Variants in SLC35D4 observed in about 807,000 individuals in gnomAD.
SLC35D4 encodes UDP-N-acetylglucosamine transporter SLC35D4.
At chr18:23,373,951 A>G in the SLC35D4 span, among the ~76,000 whole-genome samples, 1 of 152,334 alleles carries the variant, frequency 6.6e-6, no homozygotes, top group Admixed American at 6.5e-5. Context: ...TGCTCTACTC[A>G]TAAGCAGACA....
chr18:23,266,362 T>C, the SLC35D4 span, among the ~76,000 whole-genome samples: 1 of 130,518 alleles, frequency 7.7e-6, no homozygotes, highest in African/African-American at 3.1e-5. Context: ...ACTCAATAGA[T>C]GAAAACAATT....
chr18:23,349,118 A>G, the SLC35D4 span, among the ~76,000 whole-genome samples: 1 of 152,168 alleles, frequency 6.6e-6, no homozygotes, highest in African/African-American at 2.4e-5. Context: ...GTCTTTCAAC[A>G]GTTTGATTAT....
chr18:23,290,348 G>A, the SLC35D4 span, among the ~76,000 whole-genome samples: 3 of 152,248 alleles, frequency 2.0e-5, no homozygotes, highest in South Asian at 2.1e-4. Flanking sequence ...AACCAGCTGC[G>A]GGGAAGGGGG....
At chr18:23,320,477 G>A in the SLC35D4 span, among the ~76,000 whole-genome samples, 1 of 152,040 alleles carries the variant, frequency 6.6e-6, no homozygotes, top group Non-Finnish European at 1.5e-5. Flanking sequence ...CTGTAGTTCT[G>A]TTCCTATTAT....
the SLC35D4 span, among the ~76,000 whole-genome samples, chr18:23,322,258 G>C: frequency 6.6e-6 from 1 of 152,208 alleles, no homozygotes; most frequent in Non-Finnish European, 1.5e-5. Flanking sequence ...AAAGGAAGCC[G>C]TGCCTTGCAT....
the SLC35D4 span, among the ~76,000 whole-genome samples, chr18:23,281,936 A>G: frequency 3.9e-5 from 6 of 152,226 alleles, no homozygotes; most frequent in Non-Finnish European, 8.8e-5. Flanking sequence ...TGAGGAAATA[A>G]ATGAACGGCT....
the SLC35D4 span, chr18:23,377,561 A>G: frequency 7.7e-6 from 10 of 1,303,050 alleles, no homozygotes; most frequent in Non-Finnish European, 1.1e-5. Flanking sequence ...CTCTTAGAGT[A>G]TGAATCTTGA....
chr18:23,351,093 A>G, the SLC35D4 span, among the ~76,000 whole-genome samples: 1 of 152,200 alleles, frequency 6.6e-6, no homozygotes, highest in African/African-American at 2.4e-5. Flanking sequence ...TAGAATTGGA[A>G]TTATTAATGC....
the SLC35D4 span, among the ~76,000 whole-genome samples, chr18:23,348,148 T>G: frequency 3.3e-5 from 5 of 152,246 alleles, no homozygotes; most frequent in African/African-American, 1.2e-4. Context: ...TTTTCTAGAT[T>G]TTTTTCTATT....
At chr18:23,261,102 G>A in the SLC35D4 span, among the ~76,000 whole-genome samples, 8 of 152,134 alleles carry the variant, frequency 5.3e-5, no homozygotes, top group East Asian at 1.9e-4. Context: ...GAAATGCCTC[G>A]CGAGTACTGT....
the SLC35D4 span, chr18:23,253,672 G>C: frequency 5.6e-6 from 8 of 1,431,604 alleles, no homozygotes; most frequent in Admixed American, 7.6e-5. Context: ...GAGTTTTTCT[G>C]TCCACTGAAA....
the SLC35D4 span, among the ~76,000 whole-genome samples, chr18:23,364,039 T>C: frequency 1.7e-4 from 26 of 152,326 alleles, no homozygotes; most frequent in African/African-American, 5.1e-4. Context: ...AGATATGTCA[T>C]ATACAATCCA....
At chr18:23,303,905 G>GA in the SLC35D4 span, among the ~76,000 whole-genome samples, 377 of 109,294 alleles carry the variant, frequency 3.4e-3, no homozygotes, top group South Asian at 9.3e-3. Context: ...CTATCTCCAG[G>GA]AAAAAAAAAA....
the SLC35D4 span, chr18:23,384,977 C>A: frequency 6.2e-7 from 1 of 1,611,798 alleles, no homozygotes; most frequent in Admixed American, 1.7e-5. Context: ...TAGCATTTTG[C>A]ATGATCGTTT....
At chr18:23,322,850 A>G in the SLC35D4 span, among the ~76,000 whole-genome samples, 1 of 152,236 alleles carries the variant, frequency 6.6e-6, no homozygotes, top group South Asian at 2.1e-4. Flanking sequence ...TTTTCCTTCA[A>G]ACTCAAATCA....
the SLC35D4 span, among the ~76,000 whole-genome samples, chr18:23,295,750 T>C: frequency 3.3e-5 from 5 of 152,170 alleles, no homozygotes. Context: ...CTGAGTTGAC[T>C]ATATTCTCCA....
the SLC35D4 span, among the ~76,000 whole-genome samples, chr18:23,275,145 CGT>C: frequency 1.1e-3 from 173 of 151,092 alleles, no homozygotes; most frequent in Middle Eastern, 3.4e-3. Context: ...AGTGCTTGTG[CGT>C]GTGTGTGTGT....
the SLC35D4 span, among the ~76,000 whole-genome samples, chr18:23,396,841 G>C: frequency 1.3e-5 from 2 of 151,742 alleles, no homozygotes; most frequent in African/African-American, 4.8e-5. Context: ...TCAATGCATC[G>C]CTTCCTCCTT....
chr18:23,391,358 T>C, the SLC35D4 span, among the ~76,000 whole-genome samples: 1 of 152,070 alleles, frequency 6.6e-6, no homozygotes, highest in Non-Finnish European at 1.5e-5. Context: ...TACTGAACAG[T>C]GCTGTGTCAT....
Sources: gnomAD v4.1 joint callset for allele counts (sites outside exome capture counted in the v4.1 genomes callset) on GRCh38, gnomAD v4.1.1 for gene constraint, MANE v1.5 for transcripts, NCBI Gene and HGNC (gene_info 2026-07-23, HGNC 2026-07-21) for gene names.